Variants in CTNND2 observed in about 807,000 individuals in gnomAD.
The protein encoded by CTNND2 is catenin delta 2, also known as catenin delta-2.
A neutral mutation model predicts 144.4 loss-of-function variants in CTNND2; 22 were observed. The observed-to-expected ratio is 0.15, with a 90% confidence interval of 0.11 to 0.22. The LOEUF (loss-of-function observed/expected upper bound fraction) is 0.22, where lower values mean the gene tolerates loss of function less well. Among genes scored for constraint, CTNND2 ranks in the 10% least tolerant of loss-of-function variants. The pLI, the probability that CTNND2 is intolerant of heterozygous loss-of-function variation, is 1.00. For synonymous variants in CTNND2, 751 were observed against 695.6 expected (o/e 1.08, Z -1.25); for missense variants, 1,353 against 1,618.8 (o/e 0.84, Z 2.82).
Position 10,992,550 on chromosome 5 carries a change from C to T in CTNND2, c.3211+1G>A, listed in dbSNP as rs1193089271. 6.2e-7 allele frequency: 1 copy of T among 1,613,844 alleles called. No homozygotes were observed. Among genetic ancestry groups the T allele is most frequent in the Non-Finnish European group, 8.5e-7 (1 of 1,180,038 alleles). ...GCTGGCTAGCCACGGCAGCCTCTTA[C>T]CTGAGCGGTTGTTGGGAGACACGCG... On this transcript the variant is annotated splice_donor_variant, in intron 19 of 21. Coordinates refer to ENST00000304623, the MANE Select transcript of CTNND2 (RefSeq NM_001332.4). LOFTEE classifies it high-confidence loss of function.
chr5:11,511,046 G>A (rs1771592059), intron 3 of CTNND2, among the ~76,000 whole-genome samples: 1 of 152,138 alleles, frequency 6.6e-6, no homozygotes, highest in South Asian at 2.1e-4. Flanking sequence ...CTTCCATAAT[G>A]CGTACTATGT....
intron 2 of CTNND2, among the ~76,000 whole-genome samples, chr5:11,686,140 A>C (rs1160406601): frequency 6.6e-6 from 1 of 152,004 alleles, no homozygotes; most frequent in Non-Finnish European, 1.5e-5. Flanking sequence ...CAGGAAGTGG[A>C]GGGTGCAGTG....
rs149469396 is a variant in CTNND2 at position 11,150,163 on chromosome 5, G to A, written c.2159+9413C>T. The stretch of plus-strand genomic sequence containing the variant: ...TATGAGACCCCCACACTACTGTTGA[G>A]TCAGTGTTCAGAGACCCCACCTCTC... On this transcript the variant is annotated intron_variant, in intron 12 of 21. Coordinates refer to ENST00000304623, the MANE Select transcript of CTNND2 (RefSeq NM_001332.4). 7.0e-4 allele frequency among the ~76,000 whole-genome samples: 106 copies of A among 152,236 alleles called. 1 individual carries two copies. The highest frequency in any genetic ancestry group is 2.5e-3 in the African/African-American group (104 of 41,538).
At chr5:11,330,503 A>G (rs944819278) in intron 9 of CTNND2, among the ~76,000 whole-genome samples, 5 of 149,494 alleles carry the variant, frequency 3.3e-5, no homozygotes, top group African/African-American at 1.2e-4. Context: ...AAAAAAAAAA[A>G]AAAAAAGAAA....
At chr5:11,879,320 G>A (rs981082259) in intron 1 of CTNND2, among the ~76,000 whole-genome samples, 7 of 65,788 alleles carry the variant, frequency 1.1e-4, no homozygotes, top group African/African-American at 3.5e-4. Context: ...AATTTCAAGT[G>A]TATTAAAAAA....
intron 1 of CTNND2, among the ~76,000 whole-genome samples, chr5:11,883,166 G>A (rs1413237279): frequency 6.6e-6 from 1 of 151,992 alleles, no homozygotes; most frequent in Non-Finnish European, 1.5e-5. Context: ...TTTGTATCTT[G>A]AAACTTTACT....
intron 11 of CTNND2, among the ~76,000 whole-genome samples, chr5:11,171,231 A>G (rs1759870836): frequency 6.6e-6 from 1 of 152,164 alleles, no homozygotes; most frequent in Admixed American, 6.5e-5. Context: ...AGGGGTACTG[A>G]TCTGTGAAGG....
At chr5:11,164,782 T>C (rs1166335953) in intron 11 of CTNND2, among the ~76,000 whole-genome samples, 1 of 152,234 alleles carries the variant, frequency 6.6e-6, no homozygotes, top group Admixed American at 6.5e-5. Context: ...CCTTCCCAGA[T>C]GCTTGCTGTC....
chr5:11,384,730 T>C lies in CTNND2; in HGVS notation c.1112A>G (p.Gln371Arg). 1 of 1,612,684 alleles carries C rather than the reference T, an allele frequency of 6.2e-7. No homozygotes were observed. Among genetic ancestry groups the C allele is most frequent in the Non-Finnish European group, 8.5e-7 (1 of 1,179,694 alleles). Residue 371 changes from glutamine to arginine, a missense_variant, in exon 7 of 22, where the codon CAG (glutamine) becomes CGG (arginine). Gln to Arg is a conservative substitution (Grantham distance 43). Transcript: ENST00000304623. The surrounding 1 kb of genome is among the most constrained non-coding windows in gnomAD (Gnocchi z 5.2). Reference sequence around the variant, plus strand: ...CAGCTCCTGCGAGTGCTTGCTGTACTGCTCGGACGCGTGGACCAGGCGCTT... The same window carrying C: ...CAGCTCCTGCGAGTGCTTGCTGTACCGCTCGGACGCGTGGACCAGGCGCTT... ...PTKRLVHASE[Q>R]YSKHSQELYA...
At chr5:11,297,562 C>T (rs1466202903) in intron 9 of CTNND2, among the ~76,000 whole-genome samples, 1 of 152,054 alleles carries the variant, frequency 6.6e-6, no homozygotes, top group East Asian at 1.9e-4. Flanking sequence ...ATGATCATAA[C>T]TCTAAATGAA....
intron 9 of CTNND2, among the ~76,000 whole-genome samples, chr5:11,315,559 T>C (rs1444871767): frequency 6.6e-6 from 1 of 152,218 alleles, no homozygotes; most frequent in East Asian, 1.9e-4. Flanking sequence ...TATATGTGGA[T>C]AGATGTTTAT....
At chr5:10,986,059 T>G (rs1737908674) in intron 20 of CTNND2, among the ~76,000 whole-genome samples, 1 of 152,218 alleles carries the variant, frequency 6.6e-6, no homozygotes, top group Non-Finnish European at 1.5e-5. Flanking sequence ...GATCTCAATG[T>G]TCTTTCTGGC....
chr5:11,274,973 C>T (rs1746381170), intron 9 of CTNND2, among the ~76,000 whole-genome samples: 1 of 151,888 alleles, frequency 6.6e-6, no homozygotes, highest in African/African-American at 2.4e-5. Flanking sequence ...CTTGGTCTTC[C>T]TAGGGTGTTT....
At chr5:11,335,344 C>T (rs1364154863) in intron 9 of CTNND2, among the ~76,000 whole-genome samples, 1 of 152,196 alleles carries the variant, frequency 6.6e-6, no homozygotes, top group African/African-American at 2.4e-5. Context: ...TAAACACTGA[C>T]AGTCAACTAC....
chr5:11,711,203 G>A (rs1561718825), intron 2 of CTNND2, among the ~76,000 whole-genome samples: 2 of 152,066 alleles, frequency 1.3e-5, no homozygotes. Context: ...TTACAGGCAT[G>A]TGCCACCACG....
At chr5:11,051,466 G>T (rs1337511219) in intron 16 of CTNND2, among the ~76,000 whole-genome samples, 1 of 152,202 alleles carries the variant, frequency 6.6e-6, no homozygotes, top group Non-Finnish European at 1.5e-5. Context: ...GTAAGCCACT[G>T]GTTCAAGCTC....
At chr5:11,223,915 T>C (rs1007918324) in intron 10 of CTNND2, among the ~76,000 whole-genome samples, 1 of 152,124 alleles carries the variant, frequency 6.6e-6, no homozygotes, top group Non-Finnish European at 1.5e-5. Flanking sequence ...GTATACAATG[T>C]GCAAAAAATA....
chr5:11,424,746 T>C (rs1762641885), intron 3 of CTNND2, among the ~76,000 whole-genome samples: 1 of 152,214 alleles, frequency 6.6e-6, no homozygotes, highest in Admixed American at 6.5e-5. Context: ...TGGAATTTGT[T>C]ACACAATTAT....
intron 1 of CTNND2, among the ~76,000 whole-genome samples, chr5:11,748,724 C>T (rs1389060849): frequency 2.0e-5 from 3 of 151,984 alleles, no homozygotes. Flanking sequence ...GCATTTATAT[C>T]TTATCTGCTT....
Sources: gnomAD v4.1 joint callset for allele counts (sites outside exome capture counted in the v4.1 genomes callset) on GRCh38, gnomAD v4.1.1 for gene constraint, Gnocchi (gnomAD v3.1) non-coding constraint, MANE v1.5 for transcripts, NCBI Gene and HGNC (gene_info 2026-07-23, HGNC 2026-07-21) for gene names.